Variants in GRM1 observed in about 807,000 individuals in gnomAD.
GRM1 encodes metabotropic glutamate receptor 1.
In GRM1, 33 loss-of-function variants were observed where a neutral mutation model predicts 90.9. That is an observed-to-expected ratio of 0.36 (90% CI 0.28 to 0.49). GRM1 has a LOEUF of 0.49. GRM1 is among the 20% of genes least tolerant of loss of function. The pLI, the probability that GRM1 is intolerant of heterozygous loss-of-function variation, is 0.99. For synonymous variants in GRM1, 700 were observed against 613.2 expected (o/e 1.14, Z -2.09); for missense variants, 1,190 against 1,534.3 (o/e 0.78, Z 3.75).
At chr6:146,388,799 C>T (rs1776603507) in intron 6 of GRM1, among the ~76,000 whole-genome samples, 1 of 152,094 alleles carries the variant, frequency 6.6e-6, no homozygotes, top group South Asian at 2.1e-4. Context: ...CTCTCTGGCG[C>T]ATAGCCTGAT....
chr6:146,361,509 A>G (rs567254500), intron 5 of GRM1, among the ~76,000 whole-genome samples: 1 of 152,270 alleles, frequency 6.6e-6, no homozygotes, highest in African/African-American at 2.4e-5. Context: ...AAGGGGAGGA[A>G]AGGTAAAGGA....
chr6:146,196,607 T>A (rs989254157), intron 2 of GRM1, among the ~76,000 whole-genome samples: 1 of 151,746 alleles, frequency 6.6e-6, no homozygotes, highest in Non-Finnish European at 1.5e-5. Flanking sequence ...GCCCGGCCGT[T>A]CAGTTGTTTT....
At chr6:146,135,217 T>A (rs556400595) in intron 1 of GRM1, among the ~76,000 whole-genome samples, 55 of 152,334 alleles carry the variant, frequency 3.6e-4, no homozygotes, top group Non-Finnish European at 6.6e-4. Flanking sequence ...ATTAGCTGAC[T>A]TACCCAAAGT....
intron 1 of GRM1, among the ~76,000 whole-genome samples, chr6:146,054,189 C>T (rs1209021430): frequency 6.6e-6 from 1 of 152,004 alleles, no homozygotes; most frequent in Non-Finnish European, 1.5e-5. Flanking sequence ...TTGCAAGGTG[C>T]ACAGGGATGT....
chr6:146,148,365 G>A (rs55984016), intron 1 of GRM1, among the ~76,000 whole-genome samples: 38,244 of 151,808 alleles, frequency 0.25, 8,676 homozygotes, highest in African/African-American at 0.61. Flanking sequence ...TGTTCTTTAA[G>A]CTTTATATAT....
intron 6 of GRM1, among the ~76,000 whole-genome samples, chr6:146,389,376 T>TA (rs1776632193): frequency 6.6e-6 from 1 of 151,572 alleles, no homozygotes; most frequent in Non-Finnish European, 1.5e-5. Flanking sequence ...TCTCACACAT[T>TA]AAAAAAATTT....
At chr6:146,314,051 C>CTTTTTTTTTTTTTTT (rs552986343) in intron 3 of GRM1, among the ~76,000 whole-genome samples, 3 of 61,960 alleles carry the variant, frequency 4.8e-5, no homozygotes, top group South Asian at 6.3e-4. Flanking sequence ...TAGTTAATTC[C>CTTTTTTTTTTTTTTT]TTTTTTTTTT....
chr6:146,362,497 GTGAAACCCCA>G (rs1775519593), intron 5 of GRM1, among the ~76,000 whole-genome samples: 1 of 151,816 alleles, frequency 6.6e-6, no homozygotes, highest in African/African-American at 2.4e-5. Flanking sequence ...GGCTAACATG[GTGAAACCCCA>G]TCTCTACTAA....
Position 146,336,259 on chromosome 6 carries a change from A to G in GRM1, c.1187-15991A>G, listed in dbSNP as rs117781628. 1.9e-3 allele frequency among the ~76,000 whole-genome samples: 284 copies of G among 152,284 alleles called. 6 individuals are homozygous for G. The East Asian group carries it at 0.037, about 20-fold the overall frequency. ...TCTTTCTTAAATTGAGTTCTCAAGA[A>G]GCAGAGCCAGAGGCAGAGATTCCTT... On this transcript the variant is annotated intron_variant, in intron 3 of 7. Coordinates refer to ENST00000282753, the MANE Select transcript of GRM1 (RefSeq NM_001278064.2).
At chr6:146,050,690 G>T (rs1414232472) in intron 1 of GRM1, among the ~76,000 whole-genome samples, 1 of 151,636 alleles carries the variant, frequency 6.6e-6, no homozygotes, top group Non-Finnish European at 1.5e-5. Flanking sequence ...ATTCTCCAAA[G>T]CAGAATCTAC....
chr6:146,232,964 T>G (rs1780498365), intron 2 of GRM1, among the ~76,000 whole-genome samples: 2 of 152,080 alleles, frequency 1.3e-5, no homozygotes, highest in Admixed American at 1.3e-4. Flanking sequence ...TTTAGAGTTG[T>G]GCCTCTTCTT....
intron 2 of GRM1, among the ~76,000 whole-genome samples, chr6:146,217,881 T>C (rs949658170): frequency 6.6e-6 from 1 of 152,200 alleles, no homozygotes; most frequent in East Asian, 1.9e-4. Flanking sequence ...GAAGGAAGAA[T>C]AGATGTTGTA....
At chr6:146,067,406 A>G (rs1775884396) in intron 1 of GRM1, among the ~76,000 whole-genome samples, 1 of 152,192 alleles carries the variant, frequency 6.6e-6, no homozygotes, top group African/African-American at 2.4e-5. Flanking sequence ...TTAGACATAT[A>G]TTTTACTTCT....
At chr6:146,166,960 T>C (rs376126761) in intron 2 of GRM1, among the ~76,000 whole-genome samples, 158 of 152,248 alleles carry the variant, frequency 1.0e-3, no homozygotes, top group Non-Finnish European at 1.9e-3. Flanking sequence ...TATGTGTTTA[T>C]TTGATGGATT....
At chr6:146,211,967 G>A (rs2114648607) in intron 2 of GRM1, among the ~76,000 whole-genome samples, 1 of 152,228 alleles carries the variant, frequency 6.6e-6, no homozygotes, top group East Asian at 1.9e-4. Flanking sequence ...GGCTGGCTAG[G>A]CAAATCCGAA....
At chr6:146,093,267 C>T (rs968366359) in intron 1 of GRM1, among the ~76,000 whole-genome samples, 2 of 152,114 alleles carry the variant, frequency 1.3e-5, no homozygotes, top group Admixed American at 6.6e-5. Flanking sequence ...AATGCTTCCA[C>T]GTCTTTGGAA....
chr6:146,138,116 A>G (rs940234357), intron 1 of GRM1, among the ~76,000 whole-genome samples: 1 of 151,812 alleles, frequency 6.6e-6, no homozygotes, highest in Non-Finnish European at 1.5e-5. Flanking sequence ...GGATAATTTG[A>G]CTTCTTCCTT....
At chr6:146,386,459 G>A (rs1028052411) in intron 5 of GRM1, among the ~76,000 whole-genome samples, 1 of 152,064 alleles carries the variant, frequency 6.6e-6, no homozygotes, top group African/African-American at 2.4e-5. Flanking sequence ...AACAAAAATT[G>A]TATAATTACT....
rs963067409 is a variant in GRM1, at chr6:146,383,498, G to T, written c.1603-3392G>T. Among the ~76,000 whole-genome samples, 11 of 152,102 alleles carry T rather than the reference G, an allele frequency of 7.2e-5. No homozygotes were observed. In the East Asian group the frequency reaches 1.9e-3, roughly 27 times the overall value. ...ATTTTTTCTCATATCATTTAGAAAAGATATCTTTTATAATTTAAATTTCTT... is the reference window on the plus strand; with the variant it reads ...ATTTTTTCTCATATCATTTAGAAAATATATCTTTTATAATTTAAATTTCTT... On this transcript the variant is annotated intron_variant, in intron 5 of 7. Transcript: ENST00000282753.
Sources: allele counts gnomAD v4.1 joint callset (sites outside exome capture counted in the v4.1 genomes callset), GRCh38; gene constraint gnomAD v4.1.1; transcripts MANE v1.5; gene names NCBI Gene and HGNC (gene_info 2026-07-23, HGNC 2026-07-21).